Variants in LRRC72 observed in about 807,000 individuals in gnomAD.
The protein encoded by LRRC72 is leucine rich repeat containing 72.
LRRC72 carries 41 observed loss-of-function variants against 35.8 expected under a neutral mutation model. The ratio of observed to expected loss-of-function variants is 1.15; its 90% CI spans 0.89 to 1.49. LRRC72 has a LOEUF of 1.49. Ranked by LOEUF, LRRC72 falls within the 40% of genes most tolerant of loss-of-function variation. The pLI is 0.00. For missense variants in LRRC72, 389 were observed against 330.7 expected, an observed-to-expected ratio of 1.18 and a Z score of -1.37; for synonymous variants, 118 against 119.2, an observed-to-expected ratio of 0.99 and a Z score of 0.07.
At chr7:16,529,366 A>G (rs1357396235) in intron 1 of LRRC72, among the ~76,000 whole-genome samples, 1 of 152,076 alleles carries the variant, frequency 6.6e-6, no homozygotes, top group Admixed American at 6.5e-5. Context: ...GAAATCTTCC[A>G]GCGTGTCCAG....
At chr7:16,565,597 A>G (rs184281745) in intron 5 of LRRC72, among the ~76,000 whole-genome samples, 158 of 152,312 alleles carry the variant, frequency 1.0e-3, no homozygotes, top group African/African-American at 3.7e-3. Context: ...CTATGTGCTG[A>G]TTCCCAAGGG....
At chr7:16,571,562 G>C (rs1782944863) in intron 7 of LRRC72, among the ~76,000 whole-genome samples, 1 of 152,160 alleles carries the variant, frequency 6.6e-6, no homozygotes, top group South Asian at 2.1e-4. Context: ...AGCAGAATGG[G>C]GTGTCGCCTC....
chr7:16,541,135 C>A (rs1583638054), intron 3 of LRRC72, among the ~76,000 whole-genome samples: 1 of 152,254 alleles, frequency 6.6e-6, no homozygotes, highest in East Asian at 1.9e-4. Context: ...AGCAAAAGAG[C>A]AAGACCGAAC....
chr7:16,565,474 T>C (rs1203378179), intron 5 of LRRC72, among the ~76,000 whole-genome samples: 1 of 152,180 alleles, frequency 6.6e-6, no homozygotes, highest in Admixed American at 6.5e-5. Flanking sequence ...AAAGTTTTAT[T>C]TCACATTGTA....
At chr7:16,535,203 A>G (rs560843933) in intron 2 of LRRC72, among the ~76,000 whole-genome samples, 8 of 152,306 alleles carry the variant, frequency 5.3e-5, no homozygotes, top group African/African-American at 1.7e-4. Context: ...AGAAAAAAAA[A>G]GTTGTTTTGG....
At chr7:16,541,211 T>C (rs373438558) in intron 3 of LRRC72, among the ~76,000 whole-genome samples, 24 of 152,216 alleles carry the variant, frequency 1.6e-4, no homozygotes, top group African/African-American at 5.8e-4. Flanking sequence ...CTTTCAAAAA[T>C]TCATCTTCCG....
intron 1 of LRRC72, among the ~76,000 whole-genome samples, chr7:16,527,456 G>A (rs910541929): frequency 1.5e-5 from 2 of 130,006 alleles, no homozygotes; most frequent in African/African-American, 5.7e-5. Context: ...TCCAACAGGG[G>A]TGTGTGTGTG....
intron 7 of LRRC72, among the ~76,000 whole-genome samples, chr7:16,577,896 A>G (rs1224271457): frequency 6.6e-6 from 1 of 152,178 alleles, no homozygotes; most frequent in African/African-American, 2.4e-5. Flanking sequence ...TGAGGGGGGA[A>G]CGAGCACAAT....
intron 5 of LRRC72, among the ~76,000 whole-genome samples, chr7:16,559,254 C>T (rs1403632972): frequency 6.6e-6 from 1 of 151,978 alleles, no homozygotes; most frequent in East Asian, 1.9e-4. Context: ...ATTAGCCAGG[C>T]CTGGTGGCGT....
At chr7:16,562,582 G>A (rs1340610123) in intron 5 of LRRC72, among the ~76,000 whole-genome samples, 1 of 152,178 alleles carries the variant, frequency 6.6e-6, no homozygotes, top group Non-Finnish European at 1.5e-5. Context: ...TCGAGAGAGG[G>A]TCTCCATGTT....
chr7:16,539,776 C>T (rs1782324497), intron 3 of LRRC72, among the ~76,000 whole-genome samples: 1 of 152,244 alleles, frequency 6.6e-6, no homozygotes, highest in African/African-American at 2.4e-5. Context: ...GTGCAAACCC[C>T]AAGCCTTGGC....
At chr7:16,574,802 T>A (rs1253240792) in intron 7 of LRRC72, among the ~76,000 whole-genome samples, 3 of 150,382 alleles carry the variant, frequency 2.0e-5, no homozygotes, top group Admixed American at 6.7e-5. Context: ...TATAATAAAA[T>A]ATATATATAT....
intron 2 of LRRC72, among the ~76,000 whole-genome samples, chr7:16,536,618 G>T (rs530742509): frequency 9.2e-5 from 14 of 151,584 alleles, no homozygotes; most frequent in African/African-American, 3.1e-4. Context: ...CTTTTCTCAG[G>T]TTTGACATTT....
intron 5 of LRRC72, 56 bp downstream of exon 5, chr7:16,559,055 T>C: frequency 3.8e-6 from 4 of 1,065,882 alleles, no homozygotes; most frequent in Non-Finnish European, 5.5e-6. Flanking sequence ...ACATAAGACA[T>C]TTTTCCATTT....
chr7:16,570,750 G>A (rs1782929275), intron 7 of LRRC72, among the ~76,000 whole-genome samples: 3 of 152,244 alleles, frequency 2.0e-5, no homozygotes, highest in South Asian at 2.1e-4. Flanking sequence ...AACCCAGGAG[G>A]TGGAGGTTGC....
At chr7:16,565,150 C>G (rs1382662877) in intron 5 of LRRC72, among the ~76,000 whole-genome samples, 1 of 152,158 alleles carries the variant, frequency 6.6e-6, no homozygotes, top group African/African-American at 2.4e-5. Context: ...ATCCGAATAA[C>G]TAAAGATTAC....
At chr7:16,560,324 C>A (rs911799747) in intron 5 of LRRC72, among the ~76,000 whole-genome samples, 3 of 152,044 alleles carry the variant, frequency 2.0e-5, no homozygotes, top group African/African-American at 4.8e-5. Flanking sequence ...CTAAGGTTTC[C>A]ATATATTGTT....
chr7:16,528,366 C>A (rs114286049), intron 1 of LRRC72, among the ~76,000 whole-genome samples: 1 of 152,092 alleles, frequency 6.6e-6, no homozygotes, highest in African/African-American at 2.4e-5. Context: ...TTTACCCTTG[C>A]AGCTTTCTGG....
intron 3 of LRRC72, among the ~76,000 whole-genome samples, chr7:16,539,357 T>A (rs1782316392): frequency 6.6e-6 from 1 of 152,218 alleles, no homozygotes; most frequent in South Asian, 2.1e-4. Context: ...GTGGAAGACA[T>A]TTCTAAGCAG....
Sources: gnomAD v4.1 joint callset for allele counts (sites outside exome capture counted in the v4.1 genomes callset) on GRCh38, gnomAD v4.1.1 for gene constraint, MANE v1.5 for transcripts, NCBI Gene and HGNC (gene_info 2026-07-23, HGNC 2026-07-21) for gene names.